Variants in MAK observed in about 807,000 individuals in gnomAD.
MAK encodes male germ cell associated kinase, also known as serine/threonine-protein kinase MAK.
MAK carries 65 observed loss-of-function variants against 82.6 expected under a neutral mutation model. The ratio of observed to expected loss-of-function variants is 0.79; its 90% CI spans 0.64 to 0.97. The LOEUF (loss-of-function observed/expected upper bound fraction) is 0.97. Among genes scored for constraint, MAK ranks in the 50% least tolerant of loss-of-function variants. The pLI is 0.00. For missense variants in MAK, 703 were observed against 780.2 expected (o/e 0.90, Z 1.18); for synonymous variants, 250 against 274.2 (o/e 0.91, Z 0.87).
At chr6:10,774,126 G>A (rs981497102) in intron 12 of MAK, among the ~76,000 whole-genome samples, 3 of 151,826 alleles carry the variant, frequency 2.0e-5, no homozygotes, top group African/African-American at 7.3e-5. Flanking sequence ...TTATACCTCA[G>A]CTTCCAAATT....
At chr6:10,767,572 G>A (rs994529019) in intron 14 of MAK, among the ~76,000 whole-genome samples, 1 of 152,042 alleles carries the variant, frequency 6.6e-6, no homozygotes, top group Non-Finnish European at 1.5e-5. Flanking sequence ...TTGAGAGGTC[G>A]AGGCAGGCAG....
intron 2 of MAK, among the ~76,000 whole-genome samples, chr6:10,827,324 C>T (rs1778452457): frequency 1.3e-5 from 2 of 152,016 alleles, no homozygotes; most frequent in African/African-American, 4.8e-5. Context: ...CTTTCCAGGC[C>T]TTTAAAAATA....
Position 10,764,579 on chromosome 6 carries a change from C to G in MAK, c.1820G>C (p.Arg607Pro). Residue 607 changes from arginine (R) to proline (P), a missense_variant, in exon 15 of 15, where the codon CGG becomes CCG. Physicochemically the swap from Arg to Pro is moderately radical, Grantham distance 103. Transcript: ENST00000354489. ...SEYTWNTKTG[R>P]GQFSGRTYNP... is the part of the protein sequence containing the mutation. ...ATAAGTACGTCCTGAAAACTGCCCC[C>G]GACCAGTTTTTGTGTTCCAGGTATA... 1.2e-6 allele frequency: 2 copies of G among 1,613,926 alleles called. No homozygotes were observed. The highest frequency in any genetic ancestry group is 1.7e-6 in the Non-Finnish European group (2 of 1,179,902).
chr6:10,814,312 T>G (rs765141666), intron 4 of MAK, among the ~76,000 whole-genome samples: 28 of 152,016 alleles, frequency 1.8e-4, no homozygotes, highest in Non-Finnish European at 3.7e-4. Flanking sequence ...GCAAAGCAAG[T>G]TGAAAAACTG....
In MAK at chr6:10,776,044, T is replaced by C. The variant is rs1773435772; in HGVS notation, c.1466-585A>G. On this transcript the variant is annotated intron_variant, in intron 11 of 14. Coordinates refer to ENST00000354489, the MANE Select transcript of MAK (RefSeq NM_001242957.3). This position sits in a 1 kb window ranked among gnomAD's most constrained non-coding sequence, Gnocchi z 4.3. ...CTCAAGTGATCCGTTCACCTTGGCC[T>C]CCCAAAGTGCTGAGATTACAGGTGT... Among the ~76,000 whole-genome samples, 1 of 152,162 alleles carries C rather than the reference T, an allele frequency of 6.6e-6. No homozygotes were observed. Among genetic ancestry groups the C allele is most frequent in the African/African-American group, 2.4e-5 (1 of 41,438 alleles).
rs6899565 is a variant in MAK at position 10,793,710 on chromosome 6, T to C, written c.1144-1863A>G. 0.014 allele frequency among the ~76,000 whole-genome samples: 2,093 copies of C among 152,270 alleles called. 48 individuals carry two copies. Among genetic ancestry groups the C allele is most frequent in the African/African-American group, 0.048 (1,988 of 41,532 alleles). ...GGGGGCTAGGTTATTCTCTTTAACTTAGAGAATGCACACAGCGTCCCTCGC... is the reference window on the plus strand; with the variant it reads ...GGGGGCTAGGTTATTCTCTTTAACTCAGAGAATGCACACAGCGTCCCTCGC... On this transcript the variant is annotated intron_variant, in intron 9 of 14. Transcript: ENST00000354489. This position sits in a 1 kb window ranked among gnomAD's most constrained non-coding sequence, Gnocchi z 4.6.
intron 11 of MAK, among the ~76,000 whole-genome samples, chr6:10,783,976 G>A (rs567462457): frequency 2.0e-5 from 3 of 152,128 alleles, no homozygotes; most frequent in African/African-American, 7.2e-5. Context: ...CCGAGATCAC[G>A]CCACTGCACT....
At chr6:10,802,263 A>G (rs1477896298) in intron 7 of MAK, 4 of 541,036 alleles carry the variant, frequency 7.4e-6, no homozygotes, top group Non-Finnish European at 1.3e-5. Context: ...GCTGAGAGTT[A>G]GGAAACAATG....
Position 10,764,528 on chromosome 6 carries a change from A to G in MAK, c.1871T>C (p.Ile624Thr). 1.2e-6 allele frequency: 2 copies of G among 1,614,064 alleles called. No homozygotes were observed. Among genetic ancestry groups the G allele is most frequent in the Non-Finnish European group, 1.7e-6 (2 of 1,179,988 alleles). The change falls in exon 15 of 15, where the codon ATT (isoleucine) becomes ACT (threonine). Residue 624 changes from isoleucine (I) to threonine (T), a missense_variant. Coordinates refer to ENST00000354489, the MANE Select transcript of MAK (RefSeq NM_001242957.3). ...GGGAATGGGCTGTGCACGGTTCACAATATTTAGGTTTTTTGCTGTAGGATT... is the reference window on the plus strand; with the variant it reads ...GGGAATGGGCTGTGCACGGTTCACAGTATTTAGGTTTTTTGCTGTAGGATT... ...TYNPTAKNLN[I>T]VNRAQPIPSV...
chr6:10,777,852 A>G (rs1773594989), intron 11 of MAK, among the ~76,000 whole-genome samples: 1 of 152,098 alleles, frequency 6.6e-6, no homozygotes, highest in African/African-American at 2.4e-5. Flanking sequence ...TGGTCAGGCT[A>G]GTCTCGGACT....
chr6:10,793,444 G>T lies in MAK; in HGVS notation c.1144-1597C>A, dbSNP rs183058322. 2.6e-4 allele frequency among the ~76,000 whole-genome samples: 40 copies of T among 152,232 alleles called. No individual in the cohort carries two copies. Among genetic ancestry groups the T allele is most frequent in the African/African-American group, 7.2e-4 (30 of 41,532 alleles). Reference sequence around the variant, plus strand: ...ACAAATACACAGCTGGCAACAAGCTGGGCAGAATGGGTAAACTGAGAAGAA... The same window carrying T: ...ACAAATACACAGCTGGCAACAAGCTTGGCAGAATGGGTAAACTGAGAAGAA... On this transcript the variant is annotated intron_variant, in intron 9 of 14. Transcript: ENST00000354489. This position sits in a 1 kb window ranked among gnomAD's most constrained non-coding sequence, Gnocchi z 4.6.
intron 10 of MAK, among the ~76,000 whole-genome samples, chr6:10,788,780 T>G (rs369123019): frequency 5.3e-5 from 8 of 152,290 alleles, no homozygotes; most frequent in African/African-American, 1.2e-4. Context: ...TCCCATATAC[T>G]ACATCAGTGG....
rs542679807 is a variant in MAK at position 10,804,526 on chromosome 6, A to G, written c.492-635T>C. On this transcript the variant is annotated intron_variant, in intron 6 of 14. Coordinates refer to ENST00000354489, the MANE Select transcript of MAK (RefSeq NM_001242957.3). ...CCCAGCTAATTTTTGTATTTTTAGT[A>G]GAGACGGGGTTTCCCCATGTTGGCC... 1.2e-3 allele frequency among the ~76,000 whole-genome samples: 181 copies of G among 152,318 alleles called. 2 individuals are homozygous for G. The highest frequency in any genetic ancestry group is 3.8e-3 in the African/African-American group (158 of 41,574).
At chr6:10,779,627 T>C (rs565816032) in intron 11 of MAK, 1 of 163,304 alleles carries the variant, frequency 6.1e-6, no homozygotes, top group South Asian at 2.0e-4. Context: ...TTCCTGAAGA[T>C]ACTCAATTAC....
chr6:10,821,402 A>G (rs1372792299), intron 2 of MAK, among the ~76,000 whole-genome samples: 2 of 152,032 alleles, frequency 1.3e-5, no homozygotes, highest in African/African-American at 4.8e-5. Flanking sequence ...CAGCCTCCCA[A>G]GTAGCTGGGA....
chr6:10,767,330 G>C (rs939310255), intron 14 of MAK, among the ~76,000 whole-genome samples: 14 of 152,154 alleles, frequency 9.2e-5, no homozygotes, highest in African/African-American at 7.2e-5. Flanking sequence ...GAGGATTAAT[G>C]AGTTAATGTA....
chr6:10,798,640 A>G (rs1775763452), intron 8 of MAK, among the ~76,000 whole-genome samples: 2 of 152,110 alleles, frequency 1.3e-5, no homozygotes, highest in Non-Finnish European at 2.9e-5. Context: ...TTCTCATCAT[A>G]TAAAATATAT....
chr6:10,813,803 T>C, intron 4 of MAK, 80 bp from the exon 5 acceptor site: 1 of 801,248 alleles, frequency 1.2e-6, no homozygotes, highest in Non-Finnish European at 2.3e-6. Context: ...TCCCCCTGCC[T>C]TGGAGCCTCT....
intron 5 of MAK, among the ~76,000 whole-genome samples, chr6:10,813,122 A>T (rs1561987380): frequency 0.064 from 103 of 1,614 alleles, 28 homozygotes; most frequent in South Asian, 0.19. Flanking sequence ...ATATATATAT[A>T]TATATATATA....
Sources: gnomAD v4.1 joint callset for allele counts (sites outside exome capture counted in the v4.1 genomes callset) on GRCh38, gnomAD v4.1.1 for gene constraint, Gnocchi (gnomAD v3.1) non-coding constraint, MANE v1.5 for transcripts, NCBI Gene and HGNC (gene_info 2026-07-23, HGNC 2026-07-21) for gene names.